SNAP91: variants seen among roughly 807,000 people sequenced by gnomAD.
SNAP91 encodes the protein clathrin coat assembly protein AP180.
Under a neutral mutation model 100.3 loss-of-function variants are expected in SNAP91, and 27 were observed. The ratio of observed to expected loss-of-function variants is 0.27; its 90% CI spans 0.20 to 0.37. SNAP91 has a LOEUF of 0.37. Among genes scored for constraint, SNAP91 ranks in the 10% least tolerant of loss-of-function variants. SNAP91 has a pLI of 1.00. For synonymous variants in SNAP91, 404 were observed against 398.6 expected, an observed-to-expected ratio of 1.01 and a Z score of -0.16; for missense variants, 986 against 1,123.7, an observed-to-expected ratio of 0.88 and a Z score of 1.75.
At chr6:83,607,868 G>T in intron 12 of SNAP91, 60 bp from the exon 13 acceptor site, 3 of 996,924 alleles carry the variant, frequency 3.0e-6, no homozygotes, top group East Asian at 2.9e-5. Flanking sequence ...ACACAGGGCA[G>T]CAGGACTTTT....
At chr6:83,707,278 A>C (rs562556723) in intron 2 of SNAP91, among the ~76,000 whole-genome samples, 218 of 152,254 alleles carry the variant, frequency 1.4e-3, no homozygotes, top group African/African-American at 4.3e-3. Context: ...ACACACACAC[A>C]CCCATACTCA....
At chr6:83,680,334 A>G (rs1049288502) in intron 2 of SNAP91, among the ~76,000 whole-genome samples, 7 of 152,096 alleles carry the variant, frequency 4.6e-5, no homozygotes, top group African/African-American at 1.7e-4. Flanking sequence ...CTCTTACCCT[A>G]TTCTATAACT....
chr6:83,641,594 G>A (rs555081480), intron 7 of SNAP91, among the ~76,000 whole-genome samples: 10 of 152,028 alleles, frequency 6.6e-5, no homozygotes, highest in Admixed American at 3.3e-4. Context: ...TTATTAGCTC[G>A]CAATAAACTA....
chr6:83,579,871 T>C (rs1183723066), intron 24 of SNAP91, among the ~76,000 whole-genome samples: 2 of 152,184 alleles, frequency 1.3e-5, no homozygotes, highest in African/African-American at 4.8e-5. Flanking sequence ...CAGCTCTCCT[T>C]TGTCTGTTCT....
chr6:83,649,280 G>A (rs2098093092), intron 7 of SNAP91, among the ~76,000 whole-genome samples: 1 of 152,102 alleles, frequency 6.6e-6, no homozygotes, highest in South Asian at 2.1e-4. Flanking sequence ...AGCCCTCAGT[G>A]GTCTGGGGCC....
At chr6:83,587,041 GA>G (rs1165900082) in intron 22 of SNAP91, among the ~76,000 whole-genome samples, 1 of 152,080 alleles carries the variant, frequency 6.6e-6, no homozygotes, top group African/African-American at 2.4e-5. Flanking sequence ...GAATAAAGAA[GA>G]ATAGTTTTTA....
In SNAP91 at chr6:83,594,447, T is replaced by A; in HGVS notation, c.1359A>T (p.Ala453=). 6.5e-7 allele frequency: 1 copy of A among 1,543,806 alleles called. No individual in the cohort carries two copies. The highest frequency in any genetic ancestry group is 8.7e-7 in the Non-Finnish European group (1 of 1,145,008). The change falls in exon 17 of 30, where the codon GCA becomes GCT. Residue 453 remains alanine (A), a synonymous_variant. Coordinates refer to ENST00000369694, the MANE Select transcript of SNAP91 (RefSeq NM_001242792.2). ...CTGGTGCGGCGGCCCCTTCGGATGC[T>A]GCAGGGGCCTCCCCAGGAGAAGCTG... ...AFAASPGEAP[A]ASEGAAAPAT...
At chr6:83,600,967 TAC>T (rs2095135481) in intron 16 of SNAP91, among the ~76,000 whole-genome samples, 4 of 152,154 alleles carry the variant, frequency 2.6e-5, no homozygotes, top group Admixed American at 2.0e-4. Flanking sequence ...ACCACTTTTA[TAC>T]AGACACTGGA....
intron 2 of SNAP91, among the ~76,000 whole-genome samples, chr6:83,705,296 T>G (rs2099362541): frequency 6.6e-6 from 1 of 152,200 alleles, no homozygotes; most frequent in Non-Finnish European, 1.5e-5. Context: ...TTTCATTCAA[T>G]TTTTTCATGA....
At position 83,572,064 on chromosome 6, in the gene SNAP91, C is replaced by T. The variant is rs555595119; in HGVS notation, c.2442+2946G>A. On this transcript the variant is annotated intron_variant, in intron 26 of 29. Transcript: ENST00000369694. Reference sequence around the variant, plus strand: ...CCTCCCCAGCCATGAGTCCATTAAACCTCTTTTTCTTGTAAATTGCCCAGT... The same window carrying T: ...CCTCCCCAGCCATGAGTCCATTAAATCTCTTTTTCTTGTAAATTGCCCAGT... 2.6e-5 allele frequency among the ~76,000 whole-genome samples: 4 copies of T among 152,252 alleles called. No homozygotes were observed. In the South Asian group the frequency reaches 8.3e-4, roughly 32 times the overall value.
At chr6:83,708,211 C>T (rs1401593483) in intron 1 of SNAP91, 3 of 402,608 alleles carry the variant, frequency 7.5e-6, no homozygotes, top group African/African-American at 2.1e-5. Context: ...CCCCATTCTC[C>T]CCCGGCCCCC....
At chr6:83,582,083 G>C (rs1829299207) in intron 23 of SNAP91, 139 bp downstream of exon 23, 3 of 860,688 alleles carry the variant, frequency 3.5e-6, no homozygotes, top group Middle Eastern at 3.1e-4. Flanking sequence ...CTAAATGAGA[G>C]ATTTATTAAC....
rs947796597 is a variant in SNAP91 at position 83,580,516 on chromosome 6, G to T, written c.2233C>A (p.Pro745Thr). ...PAPVSMVPPS[P>T]AMAASKALGS... The stretch of plus-strand genomic sequence containing the variant: ...AGGGCTTTGCTGGCTGCCATTGCAG[G>T]ACTGGGTGGTACCATTGAGACAGGT... Residue 745 changes from proline to threonine, a missense_variant, in exon 24 of 30, where the codon CCT becomes ACT. Physicochemically the swap from Pro to Thr is conservative, Grantham distance 38. Transcript: ENST00000369694. 2 of 1,613,942 alleles carry T rather than the reference G, an allele frequency of 1.2e-6. No homozygotes were observed. The highest frequency in any genetic ancestry group is 2.2e-5 in the South Asian group (2 of 91,076).
intron 26 of SNAP91, among the ~76,000 whole-genome samples, chr6:83,564,986 A>G (rs1434747895): frequency 6.6e-6 from 1 of 151,422 alleles, no homozygotes; most frequent in Admixed American, 6.6e-5. Flanking sequence ...AGAATGAGAT[A>G]AAAATATTGG....
intron 5 of SNAP91, among the ~76,000 whole-genome samples, chr6:83,659,963 C>A (rs1386020312): frequency 6.6e-6 from 1 of 152,166 alleles, no homozygotes; most frequent in Non-Finnish European, 1.5e-5. Context: ...GTGCACTGCA[C>A]CTTGTCTCCA....
chr6:83,694,503 A>G (rs898654983), intron 2 of SNAP91, among the ~76,000 whole-genome samples: 1 of 152,184 alleles, frequency 6.6e-6, no homozygotes, highest in African/African-American at 2.4e-5. Flanking sequence ...GACAATCATA[A>G]TATCGTGCCA....
At chr6:83,669,805 G>C (rs2098750920) in intron 2 of SNAP91, among the ~76,000 whole-genome samples, 1 of 151,966 alleles carries the variant, frequency 6.6e-6, no homozygotes, top group Non-Finnish European at 1.5e-5. Flanking sequence ...ATTTATCCAT[G>C]TTATTGAATG....
In SNAP91 at chr6:83,641,159, T is replaced by C. The variant is rs1036916555; in HGVS notation, c.702A>G (p.Leu234=). 1.1e-5 allele frequency: 17 copies of C among 1,539,552 alleles called. No homozygotes were observed. The highest frequency in any genetic ancestry group is 1.5e-5 in the Non-Finnish European group (17 of 1,143,972). The change falls in exon 8 of 30, where the codon CTA becomes CTG. Residue 234 remains leucine (L), a synonymous_variant. Coordinates refer to ENST00000369694, the MANE Select transcript of SNAP91 (RefSeq NM_001242792.2). ...TAGTTAGAAATCGTTTGTAAATTTC[T>C]AGAGCATCTTTACATTGTCCTTTCT... The part of the protein sequence containing the change: ...EMKKGQCKDA[L]EIYKRFLTRM...
At chr6:83,664,672 C>T (rs1228793795) in intron 3 of SNAP91, among the ~76,000 whole-genome samples, 1 of 152,120 alleles carries the variant, frequency 6.6e-6, no homozygotes, top group Non-Finnish European at 1.5e-5. Context: ...GGTAAAGATA[C>T]TGTGAACATT....
Sources: gnomAD v4.1 joint callset for allele counts (sites outside exome capture counted in the v4.1 genomes callset) on GRCh38, gnomAD v4.1.1 for gene constraint, MANE v1.5 for transcripts, NCBI Gene and HGNC (gene_info 2026-07-23, HGNC 2026-07-21) for gene names.